The following FAT2 variants were observed in gnomAD, a reference collection of about 807,000 sequenced individuals.
FAT2 encodes protocadherin Fat 2.
In FAT2, 150 loss-of-function variants were observed where a neutral mutation model predicts 295.3. The observed-to-expected ratio is 0.51, with a 90% CI of 0.44 to 0.58. FAT2 has a LOEUF of 0.58. Among genes scored for constraint, FAT2 ranks in the 20% least tolerant of loss-of-function variants. The pLI is 0.00. For missense variants in FAT2, 4,868 were observed against 5,442.7 expected (o/e 0.89, Z 3.32); for synonymous variants, 2,026 against 2,150.3 (o/e 0.94, Z 1.60).
intron 2 of FAT2, 26 bp downstream of exon 2, chr5:151,565,647 A>ACGGCCCCCCCCC: frequency 7.5e-6 from 11 of 1,461,026 alleles, no homozygotes; most frequent in African/African-American, 1.4e-5. Flanking sequence ...TGGCCCTGGC[A>ACGGCCCCCCCCC]CCCCACCCTA....
At chr5:151,585,466 G>A in intron 1 of FAT2, among the ~76,000 whole-genome samples, 1 of 152,230 alleles carries the variant, frequency 6.6e-6, no homozygotes. Context: ...TACAAAATTA[G>A]CTGGGCGTGG....
chr5:151,524,048 G>A (rs1011658132), intron 18 of FAT2, among the ~76,000 whole-genome samples: 9 of 151,938 alleles, frequency 5.9e-5, no homozygotes, highest in African/African-American at 1.9e-4. Context: ...CCATCACTCC[G>A]TGGTCTCAGC....
In FAT2 at chr5:151,529,117, G is replaced by A. The variant is rs185397584; in HGVS notation, c.10026+61C>T. On this transcript the variant is annotated intron_variant, in intron 15 of 23. Coordinates refer to ENST00000261800, the MANE Select transcript of FAT2 (RefSeq NM_001447.3). The stretch of plus-strand genomic sequence containing the variant: ...TGCTCATAGATGGCTGGGTGTGGGG[G>A]TGAGATAAGAACCCATCCCAGAGTT... The A allele has an allele frequency of 9.7e-4, 1,360 of 1,407,362 alleles. 8 individuals carry two copies. The highest frequency in any genetic ancestry group is 1.1e-3 in the Non-Finnish European group (1,070 of 993,696). The allele number at this position is 1,407,362 out of a possible 1,614,324, so 87.2% of individuals were successfully genotyped here.
At chr5:151,507,980 G>T (rs1761029287) in intron 22 of FAT2, among the ~76,000 whole-genome samples, 1 of 152,182 alleles carries the variant, frequency 6.6e-6, no homozygotes, top group Non-Finnish European at 1.5e-5. Flanking sequence ...AGTCAGCATT[G>T]CCCAGTTATA....
intron 2 of FAT2, among the ~76,000 whole-genome samples, chr5:151,564,893 C>T (rs1337366294): frequency 2.0e-5 from 3 of 151,960 alleles, no homozygotes; most frequent in African/African-American, 4.8e-5. Flanking sequence ...GCCGACATGG[C>T]AAAAACCCGT....
At chr5:151,519,067 G>C (rs1753174322) in intron 19 of FAT2, among the ~76,000 whole-genome samples, 1 of 152,244 alleles carries the variant, frequency 6.6e-6, no homozygotes. Flanking sequence ...ATTCCAGCTG[G>C]ACGCAGTGGC....
intron 20 of FAT2, among the ~76,000 whole-genome samples, chr5:151,516,978 T>G (rs186073487): frequency 1.3e-5 from 2 of 152,054 alleles, no homozygotes; most frequent in East Asian, 3.9e-4. Context: ...CATGGTGGTG[T>G]GTGCCTGTAA....
intron 1 of FAT2, among the ~76,000 whole-genome samples, chr5:151,582,896 C>CAT (rs1759015010): frequency 6.6e-6 from 1 of 152,116 alleles, no homozygotes; most frequent in African/African-American, 2.4e-5. Context: ...GTGGACACAA[C>CAT]ATTACTGCTA....
At chr5:151,556,285 C>T (rs2127634608) in intron 4 of FAT2, 59 bp downstream of exon 4, 1 of 1,454,726 alleles carries the variant, frequency 6.9e-7, no homozygotes, top group East Asian at 2.3e-5. Context: ...ATGCACGTGG[C>T]TCCAAGGCCT....
At chr5:151,590,162 C>T (rs1014828116) in intron 1 of FAT2, among the ~76,000 whole-genome samples, 1 of 152,212 alleles carries the variant, frequency 6.6e-6, no homozygotes, top group African/African-American at 2.4e-5. Flanking sequence ...TGTAATAACT[C>T]TTAGTAGCAA....
At chr5:151,518,365 A>AATG (rs1363531267) in intron 19 of FAT2, among the ~76,000 whole-genome samples, 1 of 69,120 alleles carries the variant, frequency 1.4e-5, no homozygotes, top group African/African-American at 3.7e-5. Flanking sequence ...TAATAATAAT[A>AATG]ATAATAATAA....
chr5:151,512,700 T>C lies in FAT2; in HGVS notation c.11464-94A>G, dbSNP rs1761414475. On this transcript the variant is annotated intron_variant, in intron 20 of 23. Coordinates refer to ENST00000261800, the MANE Select transcript of FAT2 (RefSeq NM_001447.3). The surrounding 1 kb of genome is among the most constrained non-coding windows in gnomAD (Gnocchi z 4.1). ...AGTTCAAAGAATGTTGTTTGTATTT[T>C]TATGGGTAGGAGGGGGGTGTTTGGC... is the stretch of plus-strand genomic sequence containing the variant. The C allele has an allele frequency of 8.3e-7, 1 of 1,211,328 alleles. No homozygotes were observed. The highest frequency in any genetic ancestry group is 1.1e-6 in the Non-Finnish European group (1 of 870,422). The allele number at this position is 1,211,328 out of a possible 1,614,324, so 75.0% of individuals were successfully genotyped here. A position where few individuals can be genotyped will look rare whatever the true frequency, so the allele number is the denominator to read the frequency against.
chr5:151,543,591 G>C lies in FAT2; in HGVS notation c.7536C>G (p.Pro2512=). The C allele has an allele frequency of 6.2e-7, 1 of 1,614,148 alleles. No homozygotes were observed. The highest frequency in any genetic ancestry group is 8.5e-7 in the Non-Finnish European group (1 of 1,180,016). Residue 2512 remains proline (P), a synonymous_variant, in exon 10 of 24, where the codon CCC becomes CCG. Transcript: ENST00000261800. The stretch of plus-strand genomic sequence containing the variant: ...TGATAGTATAATCTATAGTGCCATA[G>C]GGACCACTATCTTTGTCTATGGCTA... The part of the protein sequence containing the change: ...DLLAIDKDSG[P]YGTIDYTIIN...
chr5:151,588,437 T>C (rs932440394), intron 1 of FAT2, among the ~76,000 whole-genome samples: 6 of 152,360 alleles, frequency 3.9e-5, no homozygotes, highest in African/African-American at 1.4e-4. Context: ...TGGTGAGGCC[T>C]CACCGTTACC....
At chr5:151,528,548 G>T (rs370895965) in intron 15 of FAT2, among the ~76,000 whole-genome samples, 1 of 152,192 alleles carries the variant, frequency 6.6e-6, no homozygotes, top group African/African-American at 2.4e-5. Context: ...AGGTTCTTTC[G>T]GGGCTGGAGC....
intron 7 of FAT2, among the ~76,000 whole-genome samples, chr5:151,551,129 G>A (rs1757159608): frequency 6.6e-6 from 1 of 152,196 alleles, no homozygotes; most frequent in African/African-American, 2.4e-5. Flanking sequence ...AAATCCAAAT[G>A]TAAGAAACAG....
chr5:151,575,358 A>G (rs1398276944), intron 1 of FAT2, among the ~76,000 whole-genome samples: 1 of 152,184 alleles, frequency 6.6e-6, no homozygotes, highest in Admixed American at 6.5e-5. Flanking sequence ...GCAGTACTGG[A>G]CAGAATTAAA....
chr5:151,533,650 T>G (rs1754919318), intron 13 of FAT2, among the ~76,000 whole-genome samples: 1 of 152,168 alleles, frequency 6.6e-6, no homozygotes, highest in Non-Finnish European at 1.5e-5. Context: ...GCTATTCTGA[T>G]GCTGAGAGCA....
chr5:151,519,751 A>C (rs924967422), intron 19 of FAT2, among the ~76,000 whole-genome samples: 10 of 152,146 alleles, frequency 6.6e-5, no homozygotes, highest in Non-Finnish European at 1.5e-4. Flanking sequence ...TATTTCACTA[A>C]AATGTTAAAA....
Sources: gnomAD v4.1 joint callset for allele counts (sites outside exome capture counted in the v4.1 genomes callset) on GRCh38, gnomAD v4.1.1 for gene constraint, Gnocchi (gnomAD v3.1) non-coding constraint, MANE v1.5 for transcripts, NCBI Gene and HGNC (gene_info 2026-07-23, HGNC 2026-07-21) for gene names.